The following KANK1 variants were observed in gnomAD, a reference collection of about 807,000 sequenced individuals.
KANK1 encodes the protein KN motif and ankyrin repeat domain-containing protein 1.
Under a neutral mutation model 106.2 loss-of-function variants are expected in KANK1, and 109 were observed. The ratio of observed to expected loss-of-function variants is 1.03; its 90% CI spans 0.88 to 1.20. The LOEUF (loss-of-function observed/expected upper bound fraction) is 1.20. Among genes scored for constraint, KANK1 ranks in the 50% most tolerant of loss-of-function variants. KANK1 has a pLI of 0.00. For missense variants in KANK1, 2,399 were observed against 1,710.7 expected (o/e 1.40, Z -7.10); for synonymous variants, 873 against 652.2 (o/e 1.34, Z -5.16).
At chr9:676,019 T>G (rs957343639) in intron 1 of KANK1, among the ~76,000 whole-genome samples, 3 of 152,126 alleles carry the variant, frequency 2.0e-5, no homozygotes, top group Non-Finnish European at 4.4e-5. Flanking sequence ...TTTAGCATGC[T>G]AATGCATTAT....
intron 1 of KANK1, among the ~76,000 whole-genome samples, chr9:552,976 C>G (rs2061370835): frequency 6.6e-6 from 1 of 152,108 alleles, no homozygotes; most frequent in Non-Finnish European, 1.5e-5. Flanking sequence ...GAGACCCCTT[C>G]TCTACAAAAA....
chr9:693,193 C>T (rs1190010386), intron 2 of KANK1, among the ~76,000 whole-genome samples: 1 of 152,070 alleles, frequency 6.6e-6, no homozygotes, highest in East Asian at 1.9e-4. Flanking sequence ...TGTTTTTAGC[C>T]TTCTAATTAT....
At chr9:623,870 C>CTT (rs113206508) in intron 1 of KANK1, among the ~76,000 whole-genome samples, 5,655 of 152,194 alleles carry the variant, frequency 0.037, 350 homozygotes, top group African/African-American at 0.13. Context: ...AGCAGTCCCA[C>CTT]TTGTGGATAT....
intron 1 of KANK1, among the ~76,000 whole-genome samples, chr9:610,092 G>A (rs1167930674): frequency 6.6e-6 from 1 of 152,086 alleles, no homozygotes; most frequent in Admixed American, 6.5e-5. Context: ...TTTAGATCGT[G>A]TCTAATTCTT....
intron 1 of KANK1, among the ~76,000 whole-genome samples, chr9:520,188 A>C (rs2059480106): frequency 1.3e-5 from 2 of 151,564 alleles, no homozygotes; most frequent in South Asian, 4.1e-4. Flanking sequence ...AAATACAAAA[A>C]TTAGCCGTGT....
intron 1 of KANK1, among the ~76,000 whole-genome samples, chr9:622,787 A>C (rs75709092): frequency 6.6e-6 from 1 of 152,052 alleles, no homozygotes; most frequent in Admixed American, 6.6e-5. Context: ...CTGTAATCCC[A>C]GCTAATCGGG....
intron 1 of KANK1, among the ~76,000 whole-genome samples, chr9:565,886 A>G (rs1817680199): frequency 2.0e-5 from 3 of 152,226 alleles, no homozygotes; most frequent in Admixed American, 6.5e-5. Context: ...TTTTAGGTTC[A>G]GGGGTGCATG....
chr9:696,201 G>A (rs573931974), intron 2 of KANK1, among the ~76,000 whole-genome samples: 256 of 151,820 alleles, frequency 1.7e-3, no homozygotes, highest in Non-Finnish European at 2.8e-3. Flanking sequence ...GGAGAATGGC[G>A]TGAACCCGGG....
At position 712,052 on chromosome 9, in the gene KANK1, C is replaced by T. The variant is rs969254554; in HGVS notation, c.1286C>T (p.Thr429Ile). 6 of 1,614,042 alleles carry T rather than the reference C, an allele frequency of 3.7e-6. No homozygotes were observed. In the African/African-American group the frequency reaches 4.0e-5, roughly 11 times the overall value. Residue 429 changes from threonine (T) to isoleucine (I), a missense_variant, in exon 3 of 12, where the codon ACA becomes ATA. Transcript: ENST00000382297. ...SRSCKDAAVGTLVEMRNCGVS... is the reference protein window; with the variant it reads ...SRSCKDAAVGILVEMRNCGVS... The stretch of plus-strand genomic sequence containing the variant: ...TCCTGTAAGGATGCAGCTGTAGGGA[C>T]ACTTGTTGAGATGAGAAATTGTGGG...
intron 2 of KANK1, among the ~76,000 whole-genome samples, chr9:681,965 G>A (rs186998755): frequency 6.6e-6 from 1 of 152,100 alleles, no homozygotes; most frequent in East Asian, 1.9e-4. Context: ...ATTTATTAAA[G>A]ATGCTTATTG....
chr9:563,040 G>A (rs1325395909), intron 1 of KANK1, among the ~76,000 whole-genome samples: 1 of 152,144 alleles, frequency 6.6e-6, no homozygotes, highest in African/African-American at 2.4e-5. Flanking sequence ...GCCAGATTCT[G>A]CATTTTTCAG....
intron 2 of KANK1, among the ~76,000 whole-genome samples, chr9:704,204 C>G (rs1464284877): frequency 6.6e-6 from 1 of 152,170 alleles, no homozygotes; most frequent in African/African-American, 2.4e-5. Context: ...AGACCCAAAA[C>G]AAACGATAGC....
intron 3 of KANK1, among the ~76,000 whole-genome samples, chr9:723,473 G>A (rs910894496): frequency 1.3e-5 from 2 of 151,150 alleles, no homozygotes; most frequent in African/African-American, 4.9e-5. Context: ...GTGCATTTTC[G>A]TGGGGCATGA....
intron 3 of KANK1, among the ~76,000 whole-genome samples, chr9:479,385 G>A (rs12237514): frequency 0.34 from 51,564 of 152,032 alleles, 10,989 homozygotes; most frequent in African/African-American, 0.58. Flanking sequence ...TGCAGGGGAC[G>A]GGGGCTTGAA....
chr9:543,431 C>A (rs560398682), intron 1 of KANK1, among the ~76,000 whole-genome samples: 1 of 151,684 alleles, frequency 6.6e-6, no homozygotes, highest in African/African-American at 2.4e-5. Context: ...TGGTAACGGG[C>A]GCTTGTTATC....
intron 3 of KANK1, among the ~76,000 whole-genome samples, chr9:729,129 T>G (rs1004283800): frequency 1.3e-5 from 2 of 152,224 alleles, no homozygotes; most frequent in African/African-American, 4.8e-5. Flanking sequence ...AAAATATTAT[T>G]TAATCCAAAT....
intron 1 of KANK1, among the ~76,000 whole-genome samples, chr9:581,066 C>G (rs1011346975): frequency 6.6e-6 from 1 of 151,898 alleles, no homozygotes; most frequent in South Asian, 2.1e-4. Context: ...TGGGGCCCGC[C>G]GAGCCCACAC....
At chr9:639,427 T>C (rs530937304) in intron 1 of KANK1, among the ~76,000 whole-genome samples, 4 of 152,188 alleles carry the variant, frequency 2.6e-5, no homozygotes, top group South Asian at 4.2e-4. Flanking sequence ...AGGGATTCTT[T>C]TGCCTCAGCC....
intron 1 of KANK1, among the ~76,000 whole-genome samples, chr9:670,222 G>C (rs2138547458): frequency 6.6e-6 from 1 of 152,236 alleles, no homozygotes; most frequent in African/African-American, 2.4e-5. Context: ...ATTAGGGTCA[G>C]TCACTGGTTC....
Sources: allele counts gnomAD v4.1 joint callset (sites outside exome capture counted in the v4.1 genomes callset), GRCh38; gene constraint gnomAD v4.1.1; transcripts MANE v1.5; gene names NCBI Gene and HGNC (gene_info 2026-07-23, HGNC 2026-07-21).